The following CNOT4 variants were observed in gnomAD, a reference collection of about 807,000 sequenced individuals.
CNOT4 encodes CCR4-associated factor 4.
CNOT4 carries 8 observed loss-of-function variants against 73.8 expected under a neutral mutation model. The observed-to-expected ratio is 0.11, with a 90% CI of 0.06 to 0.20. CNOT4 has a LOEUF of 0.20. CNOT4 is among the 10% of genes least tolerant of loss of function. The pLI is 1.00. For missense variants in CNOT4, 564 were observed against 883.4 expected (o/e 0.64, Z 4.58); for synonymous variants, 293 against 321.1 (o/e 0.91, Z 0.94).
chr7:135,435,247 G>C lies in CNOT4; in HGVS notation c.174+2911C>G, dbSNP rs192813927. 4.3e-4 allele frequency among the ~76,000 whole-genome samples: 66 copies of C among 152,200 alleles called. 1 individual carries two copies. The East Asian group carries it at 0.012, about 28-fold the overall frequency. On this transcript the variant is annotated intron_variant, in intron 2 of 11. Transcript: ENST00000541284. ...CACTCACAGGGCCCTTCTAATCTAA[G>C]AGGAATTTTCTTCTATTAGTTCTTT...
intron 10 of CNOT4, among the ~76,000 whole-genome samples, chr7:135,371,487 A>C (rs1480854373): frequency 6.6e-6 from 1 of 152,234 alleles, no homozygotes; most frequent in Non-Finnish European, 1.5e-5. Flanking sequence ...GGAAGAGGGA[A>C]AGGGCATCCC....
chr7:135,364,254 G>A lies in CNOT4; in HGVS notation c.1628-188C>T, dbSNP rs1305613420. On this transcript the variant is annotated intron_variant, in intron 10 of 11. Transcript: ENST00000541284. The surrounding 1 kb of genome is among the most constrained non-coding windows in gnomAD (Gnocchi z 4.3). ...CTCGTGAGCTCAGAGCCCCTGAAGT[G>A]AGGAAAAACTTGCTCAAGGATCAGG... Among the ~76,000 whole-genome samples the A allele has an allele frequency of 6.6e-6, 1 of 152,184 alleles. No individual in the cohort carries two copies. Among genetic ancestry groups the A allele is most frequent in the Non-Finnish European group, 1.5e-5 (1 of 68,028 alleles).
chr7:135,461,764 G>A (rs536896033), intron 1 of CNOT4, among the ~76,000 whole-genome samples: 1 of 152,146 alleles, frequency 6.6e-6, no homozygotes, highest in East Asian at 1.9e-4. Context: ...CCTGGGAGGT[G>A]GAGGCTGCAG....
intron 2 of CNOT4, among the ~76,000 whole-genome samples, chr7:135,432,502 C>T (rs561380737): frequency 6.6e-6 from 1 of 152,310 alleles, no homozygotes; most frequent in East Asian, 1.9e-4. Context: ...TTTTAGAACA[C>T]CAAGTATTCT....
intron 1 of CNOT4, among the ~76,000 whole-genome samples, chr7:135,468,619 T>C (rs1181453922): frequency 6.7e-6 from 1 of 150,038 alleles, no homozygotes; most frequent in African/African-American, 2.5e-5. Context: ...AGGCAGAGGT[T>C]GCAGTGAACC....
chr7:135,492,295 A>G (rs905992319), intron 1 of CNOT4, among the ~76,000 whole-genome samples: 2 of 152,192 alleles, frequency 1.3e-5, no homozygotes, highest in Non-Finnish European at 1.5e-5. Flanking sequence ...TTCTTCAGTC[A>G]CTTTCAGCCG....
chr7:135,446,523 C>T (rs866297893), intron 1 of CNOT4, among the ~76,000 whole-genome samples: 2 of 152,100 alleles, frequency 1.3e-5, no homozygotes, highest in African/African-American at 2.4e-5. Flanking sequence ...GAAATGATTA[C>T]TATATTTAAT....
chr7:135,371,032 T>G (rs931546973), intron 10 of CNOT4, among the ~76,000 whole-genome samples: 1 of 152,240 alleles, frequency 6.6e-6, no homozygotes, highest in South Asian at 2.1e-4. Flanking sequence ...CTAAGATATA[T>G]TCTACCCATT....
chr7:135,388,003 A>G (rs1585567761), intron 10 of CNOT4: 2 of 984,460 alleles, frequency 2.0e-6, no homozygotes, highest in Non-Finnish European at 2.4e-6. Flanking sequence ...ATGTTACACT[A>G]CTATGGTTGC....
intron 2 of CNOT4, among the ~76,000 whole-genome samples, chr7:135,435,836 TC>T (rs1349032822): frequency 6.6e-6 from 1 of 152,220 alleles, no homozygotes; most frequent in Non-Finnish European, 1.5e-5. Context: ...TCCTAGTTCC[TC>T]CAGAATGTTT....
chr7:135,482,471 G>A (rs1414483944), intron 1 of CNOT4, among the ~76,000 whole-genome samples: 3 of 152,048 alleles, frequency 2.0e-5, no homozygotes, highest in South Asian at 2.1e-4. Context: ...TGAAAGGATC[G>A]CTTGGACCTG....
At chr7:135,468,819 C>A (rs984230243) in intron 1 of CNOT4, among the ~76,000 whole-genome samples, 4 of 152,214 alleles carry the variant, frequency 2.6e-5, no homozygotes, top group African/African-American at 9.6e-5. Context: ...TCAATTCAAA[C>A]CCTTATGCCT....
rs1037593954 is a variant in CNOT4 at position 135,380,671 on chromosome 7, G to T, written c.1627+13247C>A. Among the ~76,000 whole-genome samples the T allele has an allele frequency of 4.1e-4, 62 of 152,314 alleles. 1 individual carries two copies. Among genetic ancestry groups the T allele is most frequent in the African/African-American group, 1.2e-3 (50 of 41,582 alleles). ...GACACAATAATGTTTAGAGGAGACAGATTCTGAATCTTAAAAGTTTTTTCC... is the reference window on the plus strand; with the variant it reads ...GACACAATAATGTTTAGAGGAGACATATTCTGAATCTTAAAAGTTTTTTCC... On this transcript the variant is annotated intron_variant, in intron 10 of 11. Coordinates refer to ENST00000541284, the MANE Select transcript of CNOT4 (RefSeq NM_001190850.2).
At chr7:135,424,043 ACACACACACACAC>A (rs1798349993) in intron 2 of CNOT4, among the ~76,000 whole-genome samples, 3 of 3,990 alleles carry the variant, frequency 7.5e-4, no homozygotes, top group African/African-American at 3.5e-3. Context: ...CAAACAAAAC[ACACACACACACAC>A]ACACACACAC....
At chr7:135,406,999 T>C (rs578098154) in intron 7 of CNOT4, among the ~76,000 whole-genome samples, 1 of 152,320 alleles carries the variant, frequency 6.6e-6, no homozygotes, top group Admixed American at 6.5e-5. Context: ...TGGGAGGCAT[T>C]TGAATCATGG....
At chr7:135,461,996 CAG>C (rs1800907042) in intron 1 of CNOT4, among the ~76,000 whole-genome samples, 1 of 150,820 alleles carries the variant, frequency 6.6e-6, no homozygotes, top group South Asian at 2.1e-4. Flanking sequence ...TGCGACAGTC[CAG>C]AGATTTATTA....
Position 135,363,005 on chromosome 7 carries a change from G to T in CNOT4, c.2022C>A (p.Tyr674Ter). 1.9e-6 allele frequency: 3 copies of T among 1,613,604 alleles called. No homozygotes were observed. Among genetic ancestry groups the T allele is most frequent in the Non-Finnish European group, 2.5e-6 (3 of 1,179,902 alleles). Residue 674 changes from tyrosine to a stop codon, truncating the protein, a stop_gained, in exon 12 of 12, where the codon TAC becomes TAA. Coordinates refer to ENST00000541284, the MANE Select transcript of CNOT4 (RefSeq NM_001190850.2). LOFTEE classifies it high-confidence loss of function. The surrounding 1 kb of genome is among the most constrained non-coding windows in gnomAD (Gnocchi z 4.3). ...IPLHRASWNP[Y>*]PPPSNPSSFH... ...AGCTGGAAGGGTTTGAAGGAGGAGG[G>T]TAGGGATTCCAACTGGCTCTGTGCA...
chr7:135,362,924 G>A lies in CNOT4; in HGVS notation c.2103C>T (p.Pro701=), dbSNP rs1471802263. 2.5e-6 allele frequency: 4 copies of A among 1,613,746 alleles called. No individual in the cohort carries two copies. The East Asian group carries it at 6.7e-5, about 27-fold the overall frequency. ...QTAFRPPSKT[P]TDLLQSSTLD... is the part of the protein sequence containing the mutation. ...GTGTTGAACTCTGTAGTAAATCTGT[G>A]GGGGTTTTGCTGGGGGGTCTGAAGG... Residue 701 remains proline (P), a synonymous_variant, in exon 12 of 12, where the codon CCC becomes CCT. Coordinates refer to ENST00000541284, the MANE Select transcript of CNOT4 (RefSeq NM_001190850.2).
At chr7:135,430,485 A>T (rs563895465) in intron 2 of CNOT4, among the ~76,000 whole-genome samples, 5 of 152,022 alleles carry the variant, frequency 3.3e-5, no homozygotes, top group South Asian at 2.1e-4. Context: ...AAGACAAAAA[A>T]TTTTTTTTAA....
Sources: allele counts gnomAD v4.1 joint callset (sites outside exome capture counted in the v4.1 genomes callset), GRCh38; gene constraint gnomAD v4.1.1; non-coding constraint Gnocchi (gnomAD v3.1); transcripts MANE v1.5; gene names NCBI Gene and HGNC (gene_info 2026-07-23, HGNC 2026-07-21).